Variants in CDH12 observed in about 807,000 individuals in gnomAD.
CDH12 encodes cadherin-12.
CDH12 carries 41 observed loss-of-function variants against 74.1 expected under a neutral mutation model. The observed-to-expected ratio is 0.55, with a 90% CI of 0.43 to 0.72. The LOEUF (loss-of-function observed/expected upper bound fraction) is 0.72, where lower values mean the gene tolerates loss of function less well. CDH12 is among the 30% of genes least tolerant of loss of function. The probability of loss-of-function intolerance (pLI) is 0.00; values close to 1 mark genes in which losing one functional copy is unlikely to be tolerated. For synonymous variants in CDH12, 399 were observed against 355.0 expected (o/e 1.12, Z -1.39); for missense variants, 945 against 977.2 (o/e 0.97, Z 0.44).
chr5:22,796,200 A>G (rs1748200072), intron 1 of CDH12, among the ~76,000 whole-genome samples: 4 of 152,138 alleles, frequency 2.6e-5, no homozygotes, highest in Admixed American at 2.6e-4. Flanking sequence ...TTCTTTGGAT[A>G]TATACCCCAT....
chr5:22,088,665 T>C (rs997728632), intron 4 of CDH12, among the ~76,000 whole-genome samples: 3 of 152,134 alleles, frequency 2.0e-5, no homozygotes, highest in Non-Finnish European at 4.4e-5. Flanking sequence ...ATACTTTATT[T>C]GGACAGAGTG....
intron 1 of CDH12, among the ~76,000 whole-genome samples, chr5:22,623,911 A>G (rs1329534574): frequency 6.6e-6 from 1 of 152,216 alleles, no homozygotes; most frequent in East Asian, 1.9e-4. Flanking sequence ...CTGACTTCAA[A>G]TTATACTACA....
At position 21,764,794 on chromosome 5, in the gene CDH12, C is replaced by T. The variant is rs372126346; in HGVS notation, c.1515+184G>A. Among the ~76,000 whole-genome samples, 8 of 152,228 alleles carry T rather than the reference C, an allele frequency of 5.3e-5. No homozygotes were observed. In the South Asian group the frequency reaches 8.3e-4, roughly 16 times the overall value. ...TCAGTACTTCATCTGTGCGGTATCACCTCCACATACATTCATCTATATCAT... is the reference window on the plus strand; with the variant it reads ...TCAGTACTTCATCTGTGCGGTATCATCTCCACATACATTCATCTATATCAT... On this transcript the variant is annotated intron_variant, in intron 12 of 14. Transcript: ENST00000382254.
chr5:21,780,878 T>A (rs1745869290), intron 11 of CDH12, among the ~76,000 whole-genome samples: 1 of 152,022 alleles, frequency 6.6e-6, no homozygotes. Flanking sequence ...AAGCATGAAA[T>A]GAATGAGGAA....
At chr5:22,195,219 A>C (rs935972962) in intron 4 of CDH12, among the ~76,000 whole-genome samples, 2 of 152,226 alleles carry the variant, frequency 1.3e-5, no homozygotes, top group African/African-American at 2.4e-5. Flanking sequence ...GACTTGGGCT[A>C]TCCAGTTGCT....
chr5:22,078,903 T>A (rs545386122), intron 4 of CDH12, 41 bp from the exon 5 acceptor site: 1 of 1,098,178 alleles, frequency 9.1e-7, no homozygotes, highest in African/African-American at 1.6e-5. Flanking sequence ...ATTAATGAAA[T>A]TGCATGATGA....
At chr5:21,888,932 G>A (rs968797844) in intron 6 of CDH12, among the ~76,000 whole-genome samples, 1 of 151,908 alleles carries the variant, frequency 6.6e-6, no homozygotes, top group Admixed American at 6.6e-5. Flanking sequence ...GGGCATGCTT[G>A]TATATACAAA....
intron 1 of CDH12, among the ~76,000 whole-genome samples, chr5:22,842,075 T>A (rs776786666): frequency 3.0e-4 from 46 of 152,190 alleles, no homozygotes; most frequent in Non-Finnish European, 4.9e-4. Context: ...AAACAGGTTA[T>A]ATTTGAAAAC....
At chr5:21,820,574 T>C (rs930792711) in intron 8 of CDH12, among the ~76,000 whole-genome samples, 13 of 152,026 alleles carry the variant, frequency 8.6e-5, no homozygotes, top group African/African-American at 3.1e-4. Context: ...GAAGACACGT[T>C]CATTAAGATA....
At chr5:22,580,503 G>C in intron 1 of CDH12, 2 of 480,172 alleles carry the variant, frequency 4.2e-6, no homozygotes, top group Non-Finnish European at 4.3e-6. Context: ...TGTAGAGAGT[G>C]AGCCGGGGAC....
chr5:22,072,607 G>T (rs1742026463), intron 5 of CDH12, among the ~76,000 whole-genome samples: 1 of 151,366 alleles, frequency 6.6e-6, no homozygotes, highest in East Asian at 1.9e-4. Context: ...AAGTTATAGG[G>T]TACATGTGTA....
intron 8 of CDH12, among the ~76,000 whole-genome samples, chr5:21,830,289 C>T (rs1748940997): frequency 6.8e-6 from 1 of 147,970 alleles, no homozygotes; most frequent in African/African-American, 2.5e-5. Context: ...CCATTTTCAA[C>T]CACCACTTGT....
chr5:22,747,309 T>C (rs1745339131), intron 1 of CDH12, among the ~76,000 whole-genome samples: 1 of 152,016 alleles, frequency 6.6e-6, no homozygotes, highest in African/African-American at 2.4e-5. Flanking sequence ...ATTGTACTCA[T>C]TTGGTATGTT....
Position 21,932,943 on chromosome 5 carries a change from C to A in CDH12, c.526+42148G>T, listed in dbSNP as rs1018002496. Among the ~76,000 whole-genome samples the A allele has an allele frequency of 2.7e-5, 4 of 149,788 alleles. No homozygotes were observed. The Admixed American group carries it at 2.7e-4, about 10-fold the overall frequency. ...AATTCCAAAGTAAAATATCCACGTA[C>A]AAAACTCTCACTTTCTTTATCATTG... On this transcript the variant is annotated intron_variant, in intron 6 of 14. Transcript: ENST00000382254.
intron 5 of CDH12, among the ~76,000 whole-genome samples, chr5:21,980,158 AAAC>A (rs1228736521): frequency 2.6e-5 from 4 of 151,426 alleles, no homozygotes; most frequent in African/African-American, 7.3e-5. Context: ...TAAAAAAAAA[AAAC>A]ATACATACAT....
At chr5:22,748,638 A>G (rs1745408653) in intron 1 of CDH12, among the ~76,000 whole-genome samples, 1 of 152,194 alleles carries the variant, frequency 6.6e-6, no homozygotes, top group Non-Finnish European at 1.5e-5. Context: ...CTCTGTGTAT[A>G]GAGTACACCA....
intron 4 of CDH12, among the ~76,000 whole-genome samples, chr5:22,084,670 T>A (rs1042340115): frequency 1.3e-5 from 2 of 152,146 alleles, no homozygotes; most frequent in Admixed American, 6.6e-5. Context: ...AGTGAACAGA[T>A]GAACCAATGT....
intron 5 of CDH12, among the ~76,000 whole-genome samples, chr5:21,978,759 T>C (rs1445055131): frequency 6.6e-6 from 1 of 152,206 alleles, no homozygotes; most frequent in Non-Finnish European, 1.5e-5. Context: ...TGTGTATGTA[T>C]GTATACGCAC....
chr5:22,165,455 T>C (rs1373768708), intron 4 of CDH12, among the ~76,000 whole-genome samples: 1 of 151,904 alleles, frequency 6.6e-6, no homozygotes, highest in African/African-American at 2.4e-5. Flanking sequence ...CTATTTAAAA[T>C]TGCAAATATC....
Sources: gnomAD v4.1 joint callset for allele counts (sites outside exome capture counted in the v4.1 genomes callset) on GRCh38, gnomAD v4.1.1 for gene constraint, MANE v1.5 for transcripts, NCBI Gene and HGNC (gene_info 2026-07-23, HGNC 2026-07-21) for gene names.